EFTUD2: variants seen among roughly 807,000 people sequenced by gnomAD.
EFTUD2 encodes elongation factor Tu GTP binding domain containing 2, also known as 116 kDa U5 small nuclear ribonucleoprotein component.
Under a neutral mutation model 114.3 loss-of-function variants are expected in EFTUD2, and 9 were observed. That is an observed-to-expected ratio of 0.08 (90% CI 0.05 to 0.14). EFTUD2 has a LOEUF of 0.14. Ranked by LOEUF, EFTUD2 falls within the 10% of genes least tolerant of loss-of-function variation. The pLI is 1.00. For missense variants in EFTUD2, 765 were observed against 1,241.2 expected (o/e 0.62, Z 5.76); for synonymous variants, 449 against 462.3 (o/e 0.97, Z 0.37).
At chr17:44,867,947 C>G in intron 12 of EFTUD2, 50 bp from the exon 13 acceptor site, 1 of 1,503,008 alleles carries the variant, frequency 6.7e-7, no homozygotes, top group Non-Finnish European at 9.0e-7. Flanking sequence ...GGCACTATCA[C>G]TGATCCCAAG....
At chr17:44,868,169 A>T in intron 12 of EFTUD2, 118 bp downstream of exon 12, 3 of 975,974 alleles carry the variant, frequency 3.1e-6, no homozygotes, top group Non-Finnish European at 4.4e-6. Context: ...ACGGTAGTTT[A>T]CATTAAAAAA....
chr17:44,861,050 A>G (rs1166270520), intron 16 of EFTUD2, among the ~76,000 whole-genome samples: 1 of 152,220 alleles, frequency 6.6e-6, no homozygotes, highest in Non-Finnish European at 1.5e-5. Context: ...AGAAAAGTAC[A>G]AGGTATTTCT....
rs1358868839 is a variant in EFTUD2, at chr17:44,857,063, C to T, written c.2045+12G>A. ...AGGCTGCAGTCCCAGGGACACTGTG[C>T]TCCCAGCTTACTTCTTATTAGGCGT... On this transcript the variant is annotated intron_variant, in intron 20 of 27. Coordinates refer to ENST00000426333, the MANE Select transcript of EFTUD2 (RefSeq NM_004247.4). The T allele has an allele frequency of 3.1e-6, 5 of 1,611,688 alleles. No homozygotes were observed. The highest frequency in any genetic ancestry group is 3.3e-4 in the Middle Eastern group (2 of 6,078).
chr17:44,870,076 G>C (rs1260588718), intron 11 of EFTUD2, among the ~76,000 whole-genome samples: 1 of 152,176 alleles, frequency 6.6e-6, no homozygotes, highest in African/African-American at 2.4e-5. Context: ...ACGACTCAAT[G>C]ATCTCTTCAA....
At position 44,877,275 on chromosome 17, in the gene EFTUD2, G is replaced by C. The variant is rs1356983192; in HGVS notation, c.703-1175C>G. ...TTGGGACAAGGAAAGATAACGTCTA[G>C]AACATCTTTTTGTGCTTGAAAGTAA... On this transcript the variant is annotated intron_variant, in intron 9 of 27. Coordinates refer to ENST00000426333, the MANE Select transcript of EFTUD2 (RefSeq NM_004247.4). Among the ~76,000 whole-genome samples the C allele has an allele frequency of 2.0e-5, 3 of 152,070 alleles. No individual in the cohort carries two copies. The East Asian group carries it at 5.8e-4, about 29-fold the overall frequency.
intron 7 of EFTUD2, 66 bp from the exon 8 acceptor site, chr17:44,880,710 C>A: frequency 3.8e-6 from 5 of 1,311,924 alleles, no homozygotes; most frequent in Non-Finnish European, 5.5e-6. Context: ...GTTTTTGGGG[C>A]TCCCCAGTTG....
At chr17:44,884,420 G>A (rs867551585) in intron 4 of EFTUD2, 1 of 152,166 alleles carries the variant, frequency 6.6e-6, no homozygotes, top group Non-Finnish European at 1.5e-5. Context: ...TCAGGAGGCT[G>A]AGGCGGGAGA....
At chr17:44,874,435 G>A (rs748761553) in intron 10 of EFTUD2, among the ~76,000 whole-genome samples, 2 of 152,166 alleles carry the variant, frequency 1.3e-5, no homozygotes, top group African/African-American at 2.4e-5. Flanking sequence ...GAGATGGGGT[G>A]AAGATATTCC....
chr17:44,879,454 C>A, intron 9 of EFTUD2, 102 bp downstream of exon 9: 1 of 1,186,214 alleles, frequency 8.4e-7, no homozygotes, highest in South Asian at 1.2e-5. Context: ...CAGAGAGTTT[C>A]AAGTTCTCTG....
intron 2 of EFTUD2, chr17:44,892,228 A>G (rs1230614112): frequency 1.3e-5 from 2 of 152,216 alleles, no homozygotes; most frequent in Non-Finnish European, 2.9e-5. Flanking sequence ...TGGTTCCCCT[A>G]TGTAATCTCA....
At chr17:44,860,297 G>C (rs1263863319) in intron 17 of EFTUD2, 135 bp downstream of exon 17, 1 of 761,646 alleles carries the variant, frequency 1.3e-6, no homozygotes, top group African/African-American at 1.7e-5. Context: ...GGAGAATCCA[G>C]CAGGGTCATA....
At chr17:44,862,367 G>T (rs1185354126) in intron 16 of EFTUD2, among the ~76,000 whole-genome samples, 1 of 152,088 alleles carries the variant, frequency 6.6e-6, no homozygotes, top group Non-Finnish European at 1.5e-5. Flanking sequence ...CCCAGGAGGC[G>T]GAGGTCGCAG....
Position 44,857,931 on chromosome 17 carries a change from T to C in EFTUD2, c.1963-774A>G, listed in dbSNP as rs542395258. On this transcript the variant is annotated intron_variant, in intron 19 of 27. Transcript: ENST00000426333. ...TTATTTTCTTTTTCCTTTTTTTTTT[T>C]TTTTTTTTGAGACAGAGTCTCGCCC... 1.8e-3 allele frequency among the ~76,000 whole-genome samples: 263 copies of C among 148,244 alleles called. 2 individuals are homozygous for C. Among genetic ancestry groups the C allele is most frequent in the African/African-American group, 5.8e-3 (232 of 40,150 alleles).
intron 7 of EFTUD2, 77 bp from the exon 8 acceptor site, chr17:44,880,721 C>G (rs919140169): frequency 3.9e-5 from 44 of 1,133,074 alleles, no homozygotes; most frequent in Middle Eastern, 2.4e-4. Context: ...TCCCCAGTTG[C>G]TAGTAAATTA....
intron 20 of EFTUD2, 140 bp downstream of exon 20, chr17:44,856,935 C>G: frequency 1.5e-6 from 1 of 647,998 alleles, no homozygotes. Flanking sequence ...GAGTGAAACT[C>G]AAGTATTGTA....
In EFTUD2 at chr17:44,856,304, G is replaced by T. The variant is rs78543117; in HGVS notation, c.2045+771C>A. 6.2e-3 allele frequency among the ~76,000 whole-genome samples: 937 copies of T among 151,650 alleles called. 10 individuals are homozygous for T. The highest frequency in any genetic ancestry group is 0.022 in the African/African-American group (895 of 41,364). On this transcript the variant is annotated intron_variant, in intron 20 of 27. Transcript: ENST00000426333. ...AGCATTTTGGGAGGCCGAGGCGGGCGGACTGCCTGAGGTCAGGGGTTCGAG... is the reference window on the plus strand; with the variant it reads ...AGCATTTTGGGAGGCCGAGGCGGGCTGACTGCCTGAGGTCAGGGGTTCGAG...
Position 44,854,434 on chromosome 17 carries a change from C to T in EFTUD2, c.2260-78G>A. 1 of 1,581,126 alleles carries T rather than the reference C, an allele frequency of 6.3e-7. No individual in the cohort carries two copies. Among genetic ancestry groups the T allele is most frequent in the Non-Finnish European group, 8.6e-7 (1 of 1,159,044 alleles). On this transcript the variant is annotated intron_variant, in intron 22 of 27. Transcript: ENST00000426333. The surrounding 1 kb of genome is among the most constrained non-coding windows in gnomAD (Gnocchi z 4.3). ...ATTTAGAGGGAGAAGACAGATGTGC[C>T]TGTAAGGGGATACTGTCCTTCACCA... is the stretch of plus-strand genomic sequence containing the variant.
chr17:44,895,138 A>G (rs1346503641), intron 1 of EFTUD2, among the ~76,000 whole-genome samples: 1 of 152,274 alleles, frequency 6.6e-6, no homozygotes, highest in Non-Finnish European at 1.5e-5. Flanking sequence ...AGTCAAAAGA[A>G]AAATATTTCA....
At chr17:44,862,654 T>G in intron 16 of EFTUD2, 59 bp downstream of exon 16, 1 of 1,517,084 alleles carries the variant, frequency 6.6e-7, no homozygotes, top group Non-Finnish European at 8.9e-7. Context: ...TTCCAGCTCC[T>G]TGGGGGCAGC....
Sources: gnomAD v4.1 joint callset for allele counts (sites outside exome capture counted in the v4.1 genomes callset) on GRCh38, gnomAD v4.1.1 for gene constraint, Gnocchi (gnomAD v3.1) non-coding constraint, MANE v1.5 for transcripts, NCBI Gene and HGNC (gene_info 2026-07-23, HGNC 2026-07-21) for gene names.